Variants in MAP2K6 observed in about 807,000 individuals in gnomAD.
MAP2K6 encodes dual specificity mitogen-activated protein kinase kinase 6.
MAP2K6 carries 16 observed loss-of-function variants against 53.7 expected under a neutral mutation model. The ratio of observed to expected loss-of-function variants is 0.30; its 90% CI spans 0.20 to 0.45. The LOEUF is 0.45. Among genes scored for constraint, MAP2K6 ranks in the 20% least tolerant of loss-of-function variants. MAP2K6 has a pLI of 1.00. For missense variants in MAP2K6, 204 were observed against 411.9 expected, an observed-to-expected ratio of 0.50 and a Z score of 4.37; for synonymous variants, 132 against 143.1, an observed-to-expected ratio of 0.92 and a Z score of 0.55.
At chr17:69,539,927 C>G (rs1359660367) in intron 11 of MAP2K6, among the ~76,000 whole-genome samples, 1 of 152,092 alleles carries the variant, frequency 6.6e-6, no homozygotes, top group Non-Finnish European at 1.5e-5. Context: ...TGAGGGAGCT[C>G]AGGAGGAAGG....
At position 69,545,929 on chromosome 17, in the gene MAP2K6, A is replaced by C. The variant is rs2144884662; in HGVS notation, c.*4176A>C. The C allele has an allele frequency of 6.6e-6, 1 of 151,954 alleles. No homozygotes were observed. Among genetic ancestry groups the C allele is most frequent in the African/African-American group, 2.4e-5 (1 of 41,392 alleles). 9.4% of individuals were successfully genotyped at this position (151,954 alleles called of 1,614,324 possible). ...CAGCTACTCAGGAGGCTGAGGCAGG[A>C]GAATTGCTTGAACCCGGGAGGCGGA... On this transcript the variant is annotated 3_prime_UTR_variant, in exon 12 of 12. Transcript: ENST00000590474.
chr17:69,529,231 A>G (rs1910948399), intron 10 of MAP2K6, among the ~76,000 whole-genome samples: 1 of 152,150 alleles, frequency 6.6e-6, no homozygotes, highest in African/African-American at 2.4e-5. Flanking sequence ...GGGCCAAGAT[A>G]CTAATATATT....
chr17:69,442,764 T>G (rs895470582), intron 1 of MAP2K6, among the ~76,000 whole-genome samples: 1 of 152,332 alleles, frequency 6.6e-6, no homozygotes, highest in Non-Finnish European at 1.5e-5. Flanking sequence ...GTTCTGCCAA[T>G]TGTAAGCTGT....
intron 1 of MAP2K6, chr17:69,504,729 T>G (rs1909371090): frequency 6.5e-6 from 1 of 154,388 alleles, no homozygotes; most frequent in South Asian, 2.0e-4. Flanking sequence ...GTCTGTTCTT[T>G]TTTACTCATC....
chr17:69,541,614 TA>T, intron 11 of MAP2K6, 61 bp from the exon 12 acceptor site: 1 of 1,249,458 alleles, frequency 8.0e-7, no homozygotes. Context: ...ATTCATTTGC[TA>T]ATCTCATATA....
At chr17:69,533,316 GC>G (rs1383853490) in intron 10 of MAP2K6, among the ~76,000 whole-genome samples, 5 of 152,012 alleles carry the variant, frequency 3.3e-5, no homozygotes, top group African/African-American at 9.7e-5. Context: ...AAAAAATACA[GC>G]ATTTAAAAAA....
At chr17:69,427,599 A>G (rs1305571609) in intron 1 of MAP2K6, among the ~76,000 whole-genome samples, 2 of 152,116 alleles carry the variant, frequency 1.3e-5, no homozygotes, top group African/African-American at 2.4e-5. Flanking sequence ...CTTTCCCTCA[A>G]TAACTCCATT....
At chr17:69,535,907 C>CACACACAA (rs1249274181) in intron 10 of MAP2K6, among the ~76,000 whole-genome samples, 1 of 148,340 alleles carries the variant, frequency 6.7e-6, no homozygotes, top group African/African-American at 2.5e-5. Context: ...CACACACACA[C>CACACACAA]ACAACTATTT....
At chr17:69,437,796 C>T (rs188739135) in intron 1 of MAP2K6, among the ~76,000 whole-genome samples, 22 of 152,338 alleles carry the variant, frequency 1.4e-4, no homozygotes, top group African/African-American at 4.8e-4. Context: ...TTTGGATTCA[C>T]CTATTCTAGA....
intron 4 of MAP2K6, among the ~76,000 whole-genome samples, chr17:69,518,006 T>A (rs559509693): frequency 6.6e-6 from 1 of 152,006 alleles, no homozygotes; most frequent in African/African-American, 2.4e-5. Context: ...CTGGCCAACA[T>A]AGTGAAACCT....
intron 1 of MAP2K6, among the ~76,000 whole-genome samples, chr17:69,475,903 G>A (rs369610194): frequency 1.1e-4 from 17 of 152,320 alleles, no homozygotes; most frequent in African/African-American, 3.8e-4. Context: ...TAAGAGGAGT[G>A]TAATCCTGCC....
chr17:69,498,324 A>G (rs1340458135), intron 1 of MAP2K6, among the ~76,000 whole-genome samples: 2 of 152,214 alleles, frequency 1.3e-5, no homozygotes, highest in East Asian at 1.9e-4. Context: ...ACAACTTTAC[A>G]TAGACATGTG....
rs3729920 is a variant in MAP2K6, at chr17:69,524,814, G to A, written c.664-87G>A. The A allele has an allele frequency of 7.4e-3, 7,253 of 973,734 alleles. 334 individuals carry two copies. In the African/African-American group the frequency reaches 0.1, roughly 14 times the overall value. 60.3% of individuals were successfully genotyped at this position (973,734 alleles called of 1,614,324 possible). ...CTTATAACAACTCACTTGGCAGCTG[G>A]TGCTACCCCCATCCCCAGAGACTAT... On this transcript the variant is annotated intron_variant, in intron 8 of 11. Coordinates refer to ENST00000590474, the MANE Select transcript of MAP2K6 (RefSeq NM_002758.4).
At chr17:69,469,269 T>C (rs1907910481) in intron 1 of MAP2K6, among the ~76,000 whole-genome samples, 1 of 152,244 alleles carries the variant, frequency 6.6e-6, no homozygotes, top group South Asian at 2.1e-4. Flanking sequence ...TACCTTCCTC[T>C]TCCACTTTTA....
chr17:69,452,163 A>C (rs1009204110), intron 1 of MAP2K6, among the ~76,000 whole-genome samples: 2 of 151,506 alleles, frequency 1.3e-5, no homozygotes, highest in Non-Finnish European at 2.9e-5. Flanking sequence ...ATCTGGAAGC[A>C]GTTTAGGTTT....
At chr17:69,502,229 A>G in intron 1 of MAP2K6, 2 of 985,476 alleles carry the variant, frequency 2.0e-6, no homozygotes, top group Non-Finnish European at 2.4e-6. Context: ...GGTTTGCTGC[A>G]ATCCGAACTT....
intron 1 of MAP2K6, among the ~76,000 whole-genome samples, chr17:69,474,425 G>C (rs1410408011): frequency 2.0e-5 from 3 of 152,158 alleles, no homozygotes; most frequent in Non-Finnish European, 2.9e-5. Flanking sequence ...GCCACTTTTT[G>C]ACTGAGGTGG....
At chr17:69,469,049 T>G (rs1461219869) in intron 1 of MAP2K6, among the ~76,000 whole-genome samples, 1 of 151,920 alleles carries the variant, frequency 6.6e-6, no homozygotes, top group African/African-American at 2.4e-5. Context: ...CAGCAGAGAG[T>G]GCAGGACCTA....
intron 1 of MAP2K6, among the ~76,000 whole-genome samples, chr17:69,487,645 C>T (rs1908597969): frequency 6.6e-6 from 1 of 152,192 alleles, no homozygotes; most frequent in Admixed American, 6.5e-5. Flanking sequence ...CCCAAGTTTT[C>T]ACTGCTAATG....
Sources: gnomAD v4.1 joint callset for allele counts (sites outside exome capture counted in the v4.1 genomes callset) on GRCh38, gnomAD v4.1.1 for gene constraint, MANE v1.5 for transcripts, NCBI Gene and HGNC (gene_info 2026-07-23, HGNC 2026-07-21) for gene names.